Variants in PCDH11X observed in about 807,000 individuals in gnomAD.
PCDH11X encodes the protein protocadherin 11 X-linked.
Under a neutral mutation model 53.3 loss-of-function variants are expected in PCDH11X, and 18 were observed. The ratio of observed to expected loss-of-function variants is 0.34; its 90% confidence interval spans 0.23 to 0.50. The LOEUF is 0.50. PCDH11X is among the 20% of genes least tolerant of loss of function. The pLI is 0.98. For missense variants in PCDH11X, 570 were observed against 1,032.4 expected (o/e 0.55, Z 6.14); for synonymous variants, 279 against 393.3 (o/e 0.71, Z 3.44).
At chrX:92,173,827 A>G (rs1257658169) in intron 6 of PCDH11X, among the ~76,000 whole-genome samples, 1 of 105,778 alleles carries the variant, frequency 9.5e-6, no homozygotes, top group Non-Finnish European at 1.9e-5. Context: ...CTACAAAAAA[A>G]TACAAAAATT....
chrX:92,362,999 T>C (rs1416716321), intron 8 of PCDH11X, among the ~76,000 whole-genome samples: 5 of 110,515 alleles, frequency 4.5e-5, no homozygotes, highest in Non-Finnish European at 9.5e-5. Context: ...TAATCTATTT[T>C]TTTTGGTCTA....
At chrX:91,930,849 G>C (rs766837283) in intron 6 of PCDH11X, among the ~76,000 whole-genome samples, 22 of 105,252 alleles carry the variant, frequency 2.1e-4, no homozygotes, top group Non-Finnish European at 3.5e-4. Flanking sequence ...TGTCAGAGTT[G>C]GTCATTAGAG....
chrX:92,225,102 A>G (rs2066946078), intron 7 of PCDH11X, among the ~76,000 whole-genome samples: 1 of 111,981 alleles, frequency 8.9e-6, no homozygotes, highest in South Asian at 3.7e-4. Flanking sequence ...GGTGTTTTAC[A>G]ACATGTCAAA....
At chrX:92,392,111 T>C (rs1335152799) in intron 9 of PCDH11X, among the ~76,000 whole-genome samples, 1 of 111,116 alleles carries the variant, frequency 9.0e-6, no homozygotes, top group East Asian at 2.8e-4. Context: ...GCTGGTCTAG[T>C]GTCTAGCATT....
intron 8 of PCDH11X, among the ~76,000 whole-genome samples, chrX:92,313,798 G>T (rs1432252621): frequency 9.0e-6 from 1 of 111,475 alleles, no homozygotes; most frequent in Non-Finnish European, 1.9e-5. Flanking sequence ...CATATAATAT[G>T]ATGGTAAGTA....
At chrX:92,254,352 T>A (rs1037223640) in intron 7 of PCDH11X, among the ~76,000 whole-genome samples, 13 of 110,967 alleles carry the variant, frequency 1.2e-4, no homozygotes, top group Admixed American at 9.6e-4. Context: ...GTGAGATGGG[T>A]TTCCTGAAAA....
intron 10 of PCDH11X, among the ~76,000 whole-genome samples, chrX:92,595,417 C>A (rs1203420105): frequency 9.2e-6 from 1 of 108,833 alleles, no homozygotes; most frequent in African/African-American, 3.3e-5. Flanking sequence ...TCCAGCAATG[C>A]GAATTTAAAA....
intron 5 of PCDH11X, among the ~76,000 whole-genome samples, chrX:91,869,594 G>C (rs1205882667): frequency 9.0e-6 from 1 of 111,115 alleles, no homozygotes; most frequent in African/African-American, 3.3e-5. Context: ...AAGCACAAGA[G>C]AGCAGCTGCT....
At chrX:91,889,947 T>G (rs1314644485) in intron 6 of PCDH11X, among the ~76,000 whole-genome samples, 1 of 110,930 alleles carries the variant, frequency 9.0e-6, no homozygotes, top group Non-Finnish European at 1.9e-5. Context: ...AATTTTACAT[T>G]TATACATTTT....
At chrX:91,906,125 G>A (rs753229967) in intron 6 of PCDH11X, among the ~76,000 whole-genome samples, 2 of 111,251 alleles carry the variant, frequency 1.8e-5, no homozygotes, top group East Asian at 5.6e-4. Context: ...TCAAAATTGT[G>A]ATAAAGAAGA....
chrX:92,574,517 A>G (rs1286550726), intron 10 of PCDH11X, among the ~76,000 whole-genome samples: 23 of 109,044 alleles, frequency 2.1e-4, no homozygotes, highest in African/African-American at 7.4e-4. Flanking sequence ...GGATGCTTAT[A>G]TATCTCCCAA....
intron 10 of PCDH11X, among the ~76,000 whole-genome samples, chrX:92,508,259 T>C (rs2074101963): frequency 9.0e-6 from 1 of 110,585 alleles, no homozygotes; most frequent in African/African-American, 3.3e-5. Context: ...ATTTTGCTCT[T>C]GTAGCCCAGA....
At position 92,139,447 on chromosome X, in the gene PCDH11X, A is replaced by G. The variant is rs2065141745; in HGVS notation, c.3034-61928A>G. 2.8e-5 allele frequency among the ~76,000 whole-genome samples: 3 copies of G among 107,933 alleles called. No individual in the cohort carries two copies. The Admixed American group carries it at 3.0e-4, about 11-fold the overall frequency. The allele number at this position is 107,933 out of a possible 115,157, so 93.7% of individuals were successfully genotyped here. On this transcript the variant is annotated intron_variant, in intron 6 of 10. Transcript: ENST00000682573. The stretch of plus-strand genomic sequence containing the variant: ...CTCACCACATTTTTGTATTTTTAGT[A>G]GAGATGGGGTTTCGCCATGTTGACC...
intron 10 of PCDH11X, among the ~76,000 whole-genome samples, chrX:92,518,730 CTA>C (rs2074311870): frequency 9.5e-6 from 1 of 105,771 alleles, no homozygotes; most frequent in Admixed American, 1.1e-4. Context: ...GGAACATTCA[CTA>C]TGGCTTACCA....
At chrX:92,451,883 G>A (rs1239062481) in intron 9 of PCDH11X, among the ~76,000 whole-genome samples, 1 of 109,979 alleles carries the variant, frequency 9.1e-6, no homozygotes, top group Non-Finnish European at 1.9e-5. Context: ...CAAAATGTAG[G>A]AAACAGGAGG....
chrX:92,208,508 A>AATAT (rs58212809), intron 7 of PCDH11X, among the ~76,000 whole-genome samples: 349 of 30,658 alleles, frequency 0.011, 22 homozygotes, highest in African/African-American at 0.04. Flanking sequence ...CCCTGAAACT[A>AATAT]ATATATATAT....
chrX:92,293,739 T>C (rs961534447), intron 8 of PCDH11X, among the ~76,000 whole-genome samples: 1 of 111,381 alleles, frequency 9.0e-6, no homozygotes, highest in African/African-American at 3.3e-5. Context: ...CTTGAGCTTT[T>C]CCCAAATTGA....
rs1046013783 is a variant in PCDH11X at position 92,255,085 on chromosome X, A to G, written c.3115-8029A>G. On this transcript the variant is annotated intron_variant, in intron 7 of 10. Coordinates refer to ENST00000682573, the MANE Select transcript of PCDH11X (RefSeq NM_032968.5). Reference sequence around the variant, plus strand: ...CATCACTTTCAGGTACACCAATCAGACGTAGATTTGGTCTTTTCACATAGT... The same window carrying G: ...CATCACTTTCAGGTACACCAATCAGGCGTAGATTTGGTCTTTTCACATAGT... 7.8e-5 allele frequency among the ~76,000 whole-genome samples: 8 copies of G among 102,630 alleles called. 1 individual carries two copies. Among genetic ancestry groups the G allele is most frequent in the Non-Finnish European group, 1.4e-4 (7 of 50,345 alleles). The allele number at this position is 102,630 out of a possible 115,157, so 89.1% of individuals were successfully genotyped here.
intron 6 of PCDH11X, among the ~76,000 whole-genome samples, chrX:92,132,016 A>G (rs1481012625): frequency 2.8e-5 from 3 of 106,000 alleles, no homozygotes; most frequent in Middle Eastern, 4.8e-3. Flanking sequence ...TCACGCCTAT[A>G]ATCCCAGCAC....
Sources: gnomAD v4.1 joint callset for allele counts (sites outside exome capture counted in the v4.1 genomes callset) on GRCh38, gnomAD v4.1.1 for gene constraint, MANE v1.5 for transcripts, NCBI Gene and HGNC (gene_info 2026-07-23, HGNC 2026-07-21) for gene names.